Variants in PCDH11X observed in about 807,000 individuals in gnomAD.
PCDH11X encodes the protein protocadherin 11 X-linked.
Under a neutral mutation model 53.3 loss-of-function variants are expected in PCDH11X, and 18 were observed. That is an observed-to-expected ratio of 0.34 (90% CI 0.23 to 0.50). PCDH11X has a LOEUF of 0.50. PCDH11X is among the 20% of genes least tolerant of loss of function. PCDH11X has a pLI of 0.98. For synonymous variants in PCDH11X, 279 were observed against 393.3 expected (o/e 0.71, Z 3.44); for missense variants, 570 against 1,032.4 (o/e 0.55, Z 6.14).
chrX:92,527,833 C>T (rs1297671968), intron 10 of PCDH11X, among the ~76,000 whole-genome samples: 3 of 110,105 alleles, frequency 2.7e-5, no homozygotes, highest in Non-Finnish European at 5.6e-5. Flanking sequence ...CTGAATTTTA[C>T]TTTGCTGACC....
At chrX:92,135,449 T>C (rs2065066912) in intron 6 of PCDH11X, among the ~76,000 whole-genome samples, 1 of 110,491 alleles carries the variant, frequency 9.1e-6, no homozygotes, top group Non-Finnish European at 1.9e-5. Flanking sequence ...GCCATGATGA[T>C]TTTGTACAGT....
intron 6 of PCDH11X, among the ~76,000 whole-genome samples, chrX:91,910,374 C>T (rs1257088366): frequency 9.2e-6 from 1 of 109,201 alleles, no homozygotes; most frequent in Non-Finnish European, 1.9e-5. Context: ...CTATTTGAAC[C>T]TGGTAATTCA....
chrX:91,869,551 A>G (rs1224442118), intron 5 of PCDH11X, among the ~76,000 whole-genome samples: 1 of 111,244 alleles, frequency 9.0e-6, no homozygotes, highest in Non-Finnish European at 1.9e-5. Context: ...TGAATATACT[A>G]TATTTTTGTT....
At chrX:92,400,549 A>C (rs1162358176) in intron 9 of PCDH11X, among the ~76,000 whole-genome samples, 1 of 111,070 alleles carries the variant, frequency 9.0e-6, no homozygotes, top group Non-Finnish European at 1.9e-5. Flanking sequence ...TCCTGTTGTT[A>C]AAGTTCTCAT....
rs760537486 is a variant in PCDH11X at position 91,913,261 on chromosome X, G to A, written c.3033+33988G>A. On this transcript the variant is annotated intron_variant, in intron 6 of 10. Coordinates refer to ENST00000682573, the MANE Select transcript of PCDH11X (RefSeq NM_032968.5). Reference sequence around the variant, plus strand: ...CATACAAGCAAGTGCGGGAGTACAGGAGCTGCTGCTGATGGAGTGGGCAGA... The same window carrying A: ...CATACAAGCAAGTGCGGGAGTACAGAAGCTGCTGCTGATGGAGTGGGCAGA... 1.9e-3 allele frequency among the ~76,000 whole-genome samples: 207 copies of A among 111,480 alleles called. 1 individual carries two copies. The highest frequency in any genetic ancestry group is 2.6e-3 in the Non-Finnish European group (140 of 53,023).
At position 92,622,737 on chromosome X, in the gene PCDH11X, A is replaced by C. The variant is rs1928600012; in HGVS notation, c.*3797A>C. 1 of 109,884 alleles carries C rather than the reference A, an allele frequency of 9.1e-6. No individual in the cohort carries two copies. 9.1% of individuals were successfully genotyped at this position (109,884 alleles called of 1,213,427 possible). On this transcript the variant is annotated 3_prime_UTR_variant, in exon 11 of 11. Coordinates refer to ENST00000682573, the MANE Select transcript of PCDH11X (RefSeq NM_032968.5). The stretch of plus-strand genomic sequence containing the variant: ...TTACCACACCAGATCAATTTTATGC[A>C]GAGGCCTTAAAATATTCTTTCACAG...
At position 92,311,116 on chromosome X, in the gene PCDH11X, A is replaced by G. The variant is rs201053395; in HGVS notation, c.3144+47973A>G. Among the ~76,000 whole-genome samples the G allele has an allele frequency of 1.1e-4, 12 of 111,582 alleles. No individual in the cohort carries two copies. In the East Asian group the frequency reaches 2.8e-3, roughly 26 times the overall value. On this transcript the variant is annotated intron_variant, in intron 8 of 10. Coordinates refer to ENST00000682573, the MANE Select transcript of PCDH11X (RefSeq NM_032968.5). Reference sequence around the variant, plus strand: ...ACTTTGATATATAAAACATTTAAGAACAATAGAAATGTAAAATGAGGATGA... The same window carrying G: ...ACTTTGATATATAAAACATTTAAGAGCAATAGAAATGTAAAATGAGGATGA...
In PCDH11X at chrX:92,609,715, T is replaced by A. The variant is rs187548851; in HGVS notation, c.3368-8549T>A. On this transcript the variant is annotated intron_variant, in intron 10 of 10. Transcript: ENST00000682573. The stretch of plus-strand genomic sequence containing the variant: ...ACGCTGAGGTTTGGGGTATGAATAA[T>A]CTCATCATATTCATAGTTGTTCAAC... Among the ~76,000 whole-genome samples the A allele has an allele frequency of 8.2e-4, 91 of 110,731 alleles. 1 individual carries two copies. Among genetic ancestry groups the A allele is most frequent in the African/African-American group, 3.0e-3 (90 of 30,470 alleles).
rs2066206042 is a variant in PCDH11X at position 92,192,306 on chromosome X, T to C, written c.3034-9069T>C. Among the ~76,000 whole-genome samples the C allele has an allele frequency of 2.7e-5, 3 of 112,165 alleles. No individual in the cohort carries two copies. In the South Asian group the frequency reaches 1.1e-3, roughly 41 times the overall value. ...AAGACAAAAACTATAAGTTCATGAT[T>C]TCATTCTCTTTTTATTTTTTTATGT... is the stretch of plus-strand genomic sequence containing the variant. On this transcript the variant is annotated intron_variant, in intron 6 of 10. Coordinates refer to ENST00000682573, the MANE Select transcript of PCDH11X (RefSeq NM_032968.5).
chrX:92,575,934 T>TACACACAC (rs1353338801), intron 10 of PCDH11X, among the ~76,000 whole-genome samples: 20 of 23,564 alleles, frequency 8.5e-4, no homozygotes, highest in African/African-American at 3.0e-3. Flanking sequence ...TATATATATA[T>TACACACAC]ATATATATAT....
At chrX:92,549,067 T>C (rs1266525459) in intron 10 of PCDH11X, among the ~76,000 whole-genome samples, 1 of 88,872 alleles carries the variant, frequency 1.1e-5, no homozygotes, top group African/African-American at 3.9e-5. Flanking sequence ...TAAAAAATGA[T>C]TCACTATGTA....
intron 10 of PCDH11X, among the ~76,000 whole-genome samples, chrX:92,575,295 T>A: frequency 9.1e-6 from 1 of 110,493 alleles, no homozygotes; most frequent in Non-Finnish European, 1.9e-5. Context: ...ATTTCTATTT[T>A]GTTATTAATT....
chrX:91,919,033 T>C (rs1419476767), intron 6 of PCDH11X, among the ~76,000 whole-genome samples: 1 of 111,490 alleles, frequency 9.0e-6, no homozygotes, highest in African/African-American at 3.2e-5. Flanking sequence ...GACTATAAAA[T>C]TAAGGAATAC....
intron 9 of PCDH11X, among the ~76,000 whole-genome samples, chrX:92,426,014 C>A: frequency 1.3e-5 from 1 of 77,511 alleles, no homozygotes; most frequent in African/African-American, 4.8e-5. Flanking sequence ...AGAGAATTTT[C>A]AGTGTAATAT....
intron 10 of PCDH11X, among the ~76,000 whole-genome samples, chrX:92,542,393 C>T (rs1031703613): frequency 5.4e-5 from 6 of 111,722 alleles, no homozygotes; most frequent in East Asian, 2.8e-4. Context: ...GATTTCCAAA[C>T]GTTTGACTTT....
Position 92,232,356 on chromosome X carries a change from C to A in PCDH11X, c.3115-30758C>A, listed in dbSNP as rs778463723. ...AACAGTCAAGACTAGAGTATATTGT[C>A]ATGTACTATAGTGAACCACTAGATG... On this transcript the variant is annotated intron_variant, in intron 7 of 10. Coordinates refer to ENST00000682573, the MANE Select transcript of PCDH11X (RefSeq NM_032968.5). Among the ~76,000 whole-genome samples the A allele has an allele frequency of 4.5e-5, 5 of 111,644 alleles. No homozygotes were observed. The South Asian group carries it at 1.9e-3, about 42-fold the overall frequency.
intron 1 of PCDH11X, among the ~76,000 whole-genome samples, chrX:91,806,578 C>T (rs1462410177): frequency 8.9e-6 from 1 of 112,798 alleles, no homozygotes; most frequent in Non-Finnish European, 1.9e-5. Context: ...GAATTTTAGT[C>T]TCACTGAAAA....
intron 6 of PCDH11X, among the ~76,000 whole-genome samples, chrX:91,926,191 G>A (rs1217247871): frequency 9.2e-6 from 1 of 108,547 alleles, no homozygotes; most frequent in Non-Finnish European, 1.9e-5. Flanking sequence ...AAATTCTGCT[G>A]TGTGGGTCAG....
At chrX:92,317,649 A>T (rs1336645445) in intron 8 of PCDH11X, among the ~76,000 whole-genome samples, 1 of 111,785 alleles carries the variant, frequency 8.9e-6, no homozygotes, top group Non-Finnish European at 1.9e-5. Flanking sequence ...AGCAAATCTA[A>T]GCAGTTCTAA....
Sources: gnomAD v4.1 joint callset for allele counts (sites outside exome capture counted in the v4.1 genomes callset) on GRCh38, gnomAD v4.1.1 for gene constraint, MANE v1.5 for transcripts, NCBI Gene and HGNC (gene_info 2026-07-23, HGNC 2026-07-21) for gene names.